MMP28: variants seen among roughly 807,000 people sequenced by gnomAD.
The protein encoded by MMP28 is matrix metalloproteinase-28.
Under a neutral mutation model 60.5 loss-of-function variants are expected in MMP28, and 55 were observed. The observed-to-expected ratio is 0.91, with a 90% CI of 0.73 to 1.14. The LOEUF (loss-of-function observed/expected upper bound fraction) is 1.14, where lower values mean the gene tolerates loss of function less well. Among genes scored for constraint, MMP28 ranks in the 50% most tolerant of loss-of-function variants. The probability of loss-of-function intolerance (pLI) is 0.00; values close to 1 mark genes in which losing one functional copy is unlikely to be tolerated. For synonymous variants in MMP28, 318 were observed against 312.5 expected, an observed-to-expected ratio of 1.02 and a Z score of -0.18; for missense variants, 686 against 738.3, an observed-to-expected ratio of 0.93 and a Z score of 0.82.
chr17:35,784,283 C>CA (rs36072015), intron 1 of MMP28, among the ~76,000 whole-genome samples: 39,238 of 128,168 alleles, frequency 0.31, 6,159 homozygotes, highest in African/African-American at 0.47. Flanking sequence ...ACTCCATTTC[C>CA]AAAAAAAAAA....
chr17:35,766,182 TGAAAG>T lies in MMP28; in HGVS notation c.*313_*317del. 8.9e-7 allele frequency: 1 copy of T among 1,123,648 alleles called. No individual in the cohort carries two copies. Among genetic ancestry groups the T allele is most frequent in the Admixed American group, 4.4e-5 (1 of 22,828 alleles). 69.6% of individuals were successfully genotyped at this position (1,123,648 alleles called of 1,614,324 possible). On this transcript the variant is annotated 3_prime_UTR_variant, in exon 8 of 8. Transcript: ENST00000605424. This position sits in a 1 kb window ranked among gnomAD's most constrained non-coding sequence, Gnocchi z 4.3. ...CTTGGATCCCAGTGCTGTTACCTCT[TGAAAG>T]GAACTGTACCTTTAGCCGAAGAAAC...
At chr17:35,774,145 A>G (rs562257370) in intron 3 of MMP28, among the ~76,000 whole-genome samples, 2 of 152,250 alleles carry the variant, frequency 1.3e-5, no homozygotes, top group Non-Finnish European at 2.9e-5. Flanking sequence ...CTTTGCCCCA[A>G]ATTGCAACTC....
chr17:35,761,750 G>A (rs1312593827), downstream of MMP28, among the ~76,000 whole-genome samples: 1 of 152,136 alleles, frequency 6.6e-6, no homozygotes, highest in African/African-American at 2.4e-5. Context: ...AATGTTCAGC[G>A]GCTCCTCACT....
chr17:35,758,555 G>A (rs1195182184), intron 2 of MMP28, among the ~76,000 whole-genome samples: 7 of 152,074 alleles, frequency 4.6e-5, no homozygotes, highest in Admixed American at 6.6e-5. Context: ...AGCCGGACAT[G>A]GTGGCACACA....
chr17:35,776,095 C>T (rs1333342086), intron 3 of MMP28, among the ~76,000 whole-genome samples: 2 of 151,942 alleles, frequency 1.3e-5, no homozygotes, highest in African/African-American at 4.8e-5. Context: ...AGGATGGTCT[C>T]GATCTCCTGA....
chr17:35,769,449 T>C (rs1419972865), intron 5 of MMP28, among the ~76,000 whole-genome samples: 1 of 152,150 alleles, frequency 6.6e-6, no homozygotes, highest in East Asian at 1.9e-4. Context: ...TAATCAGGGA[T>C]GGAAGGTGAC....
intron 1 of MMP28, among the ~76,000 whole-genome samples, chr17:35,787,261 C>T (rs928545613): frequency 6.6e-6 from 1 of 152,206 alleles, no homozygotes; most frequent in African/African-American, 2.4e-5. Context: ...GGTCGTCTAA[C>T]AGGCCAGAGG....
downstream of MMP28, chr17:35,764,303 G>T (rs1051742578): frequency 1.1e-5 from 16 of 1,500,002 alleles, no homozygotes; most frequent in African/African-American, 2.3e-4. Context: ...GCTGCTGGGC[G>T]GCCTAACAGC....
intron 1 of MMP28, among the ~76,000 whole-genome samples, chr17:35,786,338 G>A (rs951679867): frequency 6.6e-6 from 1 of 151,990 alleles, no homozygotes; most frequent in African/African-American, 2.4e-5. Flanking sequence ...GATTACAGGC[G>A]TGAGCCACCA....
At chr17:35,778,703 C>A (rs547381749) in intron 3 of MMP28, 185 bp downstream of exon 3, 5 of 1,346,934 alleles carry the variant, frequency 3.7e-6, no homozygotes, top group Non-Finnish European at 4.9e-6. Flanking sequence ...AGGTGTCATT[C>A]TGAATTAAAT....
rs376773362 is a variant in MMP28 at position 35,773,298 on chromosome 17, C to T, written c.486G>A (p.Trp162Ter). The T allele has an allele frequency of 1.2e-6, 2 of 1,613,934 alleles. No homozygotes were observed. Among genetic ancestry groups the T allele is most frequent in the Admixed American group, 1.7e-5 (1 of 60,016 alleles). The part of the protein sequence containing the change: ...RGAVRAAFQL[W>*]SNVSALEFWE... ...AGAACTCCAGCGCTGAGACGTTGCTCCACAACTGGAAGGCGGCGCGCACGG... is the reference window on the plus strand; with the variant it reads ...AGAACTCCAGCGCTGAGACGTTGCTTCACAACTGGAAGGCGGCGCGCACGG... The change falls in exon 4 of 8, where the codon TGG (tryptophan) becomes TGA (stop). Residue 162 changes from tryptophan (W) to a stop codon, truncating the protein, a stop_gained. Coordinates refer to ENST00000605424, the MANE Select transcript of MMP28 (RefSeq NM_024302.5). LOFTEE classifies it high-confidence loss of function.
intron 1 of MMP28, among the ~76,000 whole-genome samples, chr17:35,787,300 C>G (rs887586253): frequency 6.6e-6 from 1 of 152,176 alleles, no homozygotes; most frequent in Non-Finnish European, 1.5e-5. Context: ...CATGTTCCTG[C>G]GTAAAGATAA....
downstream of MMP28, chr17:35,764,511 C>A (rs781874321): frequency 1.8e-5 from 29 of 1,595,164 alleles, 1 homozygote; most frequent in Non-Finnish European, 2.1e-5. Flanking sequence ...CTGCGAGCTC[C>A]TCTTCTGCAA....
At position 35,779,276 on chromosome 17, in the gene MMP28, A is replaced by G; in HGVS notation, c.159T>C (p.Ala53=). 6.2e-7 allele frequency: 1 copy of G among 1,613,204 alleles called. No individual in the cohort carries two copies. The highest frequency in any genetic ancestry group is 1.1e-5 in the South Asian group (1 of 90,844). Residue 53 remains alanine (A), a synonymous_variant, in exon 2 of 8, where the codon GCT becomes GCC. Transcript: ENST00000605424. ...CATCGCTGAATCGAGTGGAGGTGGG[A>G]GCTTTGGGGACCTGTTCATTGAGGT... ...YGYLNEQVPK[A]PTSTRFSDAI...
In MMP28 at chr17:35,768,276, C is replaced by T. The variant is rs774596466; in HGVS notation, c.954G>A (p.Thr318=). The change falls in exon 6 of 8, where the codon ACG becomes ACA. Residue 318 remains threonine (T), a synonymous_variant. Coordinates refer to ENST00000605424, the MANE Select transcript of MMP28 (RefSeq NM_024302.5). The part of the protein sequence containing the change: ...SYSPQGRRPE[T]QGPKYCHSSF... ...AAGAGTGGCAGTATTTAGGGCCCTG[C>T]GTTTCAGGGCGCCTTCCTTGGGGGC... The T allele has an allele frequency of 3.1e-5, 50 of 1,612,844 alleles. No individual in the cohort carries two copies. The highest frequency in any genetic ancestry group is 3.9e-5 in the Non-Finnish European group (46 of 1,179,442).
chr17:35,790,420 A>G (rs1016752111), intron 1 of MMP28, among the ~76,000 whole-genome samples: 3 of 152,162 alleles, frequency 2.0e-5, no homozygotes, highest in South Asian at 2.1e-4. Context: ...GGCCCAGCCT[A>G]TGGTCTCAGT....
intron 4 of MMP28, among the ~76,000 whole-genome samples, chr17:35,771,699 A>ATATG (rs2086149705): frequency 6.4e-4 from 1 of 1,566 alleles, no homozygotes; most frequent in Non-Finnish European, 1.2e-3. Flanking sequence ...AGAAGTGAAT[A>ATATG]TATATATATA....
downstream of MMP28, chr17:35,764,308 A>G: frequency 6.7e-7 from 1 of 1,493,622 alleles, no homozygotes; most frequent in Non-Finnish European, 8.9e-7. Flanking sequence ...TGGGCGGCCT[A>G]ACAGCTCCCA....
At chr17:35,778,614 AT>A in intron 3 of MMP28, 1 of 638,646 alleles carries the variant, frequency 1.6e-6, no homozygotes, top group Non-Finnish European at 2.5e-6. Flanking sequence ...TCTGCCCTGC[AT>A]TGAAAATTTA....
Sources: allele counts gnomAD v4.1 joint callset (sites outside exome capture counted in the v4.1 genomes callset), GRCh38; gene constraint gnomAD v4.1.1; non-coding constraint Gnocchi (gnomAD v3.1); transcripts MANE v1.5; gene names NCBI Gene and HGNC (gene_info 2026-07-23, HGNC 2026-07-21).